The following STRN variants were observed in gnomAD, a reference collection of about 807,000 sequenced individuals.
The protein encoded by STRN is striatin, also known as protein phosphatase 2 regulatory subunit B'''alpha.
A neutral mutation model predicts 96.3 loss-of-function variants in STRN; 53 were observed. The observed-to-expected ratio is 0.55, with a 90% CI of 0.44 to 0.69. STRN has a LOEUF of 0.69. Ranked by LOEUF, STRN falls within the 30% of genes least tolerant of loss-of-function variation. STRN has a pLI of 0.00. For missense variants in STRN, 987 were observed against 963.9 expected, an observed-to-expected ratio of 1.02 and a Z score of -0.32; for synonymous variants, 428 against 355.9, an observed-to-expected ratio of 1.20 and a Z score of -2.28.
At chr2:36,864,079 G>A (rs1668562060) in intron 12 of STRN, among the ~76,000 whole-genome samples, 1 of 152,092 alleles carries the variant, frequency 6.6e-6, no homozygotes, top group Non-Finnish European at 1.5e-5. Flanking sequence ...CATTTTTTAG[G>A]TATAAAATTA....
intron 1 of STRN, among the ~76,000 whole-genome samples, chr2:36,946,901 T>C (rs1670999344): frequency 6.6e-6 from 1 of 152,066 alleles, no homozygotes; most frequent in Non-Finnish European, 1.5e-5. Flanking sequence ...TACAAAAATT[T>C]CTTTTTTTTT....
chr2:36,896,375 C>G (rs1285488830), intron 6 of STRN, among the ~76,000 whole-genome samples: 1 of 152,146 alleles, frequency 6.6e-6, no homozygotes, highest in African/African-American at 2.4e-5. Context: ...AACCAAAAGT[C>G]CTCTGCTTTT....
intron 15 of STRN, among the ~76,000 whole-genome samples, chr2:36,851,423 C>T (rs1430196949): frequency 6.6e-6 from 1 of 152,010 alleles, no homozygotes; most frequent in Non-Finnish European, 1.5e-5. Context: ...ATGGAAGTTG[C>T]AGTGAGCCGA....
chr2:36,862,349 T>C (rs934327102), intron 12 of STRN, among the ~76,000 whole-genome samples: 1 of 152,248 alleles, frequency 6.6e-6, no homozygotes, highest in Non-Finnish European at 1.5e-5. Flanking sequence ...GTGGCTGAAC[T>C]AATTTACACT....
At chr2:36,950,468 G>C (rs931203281) in intron 1 of STRN, among the ~76,000 whole-genome samples, 2 of 152,094 alleles carry the variant, frequency 1.3e-5, no homozygotes, top group Non-Finnish European at 2.9e-5. Context: ...CACCCGCCTT[G>C]GCCTCCCAAA....
chr2:36,852,407 T>C (rs1324533590), intron 15 of STRN, among the ~76,000 whole-genome samples: 1 of 152,182 alleles, frequency 6.6e-6, no homozygotes, highest in South Asian at 2.1e-4. Context: ...GATAATAGTA[T>C]TGTGTCAATG....
At chr2:36,877,305 A>C (rs1233716151) in intron 10 of STRN, among the ~76,000 whole-genome samples, 3 of 152,226 alleles carry the variant, frequency 2.0e-5, no homozygotes, top group African/African-American at 7.2e-5. Context: ...AAAGAAAACA[A>C]AATCCAAATT....
At chr2:36,879,297 T>C (rs1337841574) in intron 9 of STRN, among the ~76,000 whole-genome samples, 2 of 152,192 alleles carry the variant, frequency 1.3e-5, no homozygotes, top group African/African-American at 4.8e-5. Flanking sequence ...TCTCAAATTC[T>C]GATCTCAGGT....
intron 14 of STRN, among the ~76,000 whole-genome samples, chr2:36,855,589 T>G (rs896732538): frequency 6.6e-6 from 1 of 152,202 alleles, no homozygotes; most frequent in African/African-American, 2.4e-5. Flanking sequence ...TCAACTGATA[T>G]ATTCATGGAA....
At chr2:36,865,917 T>C (rs1668610545) in intron 12 of STRN, among the ~76,000 whole-genome samples, 1 of 152,176 alleles carries the variant, frequency 6.6e-6, no homozygotes, top group Non-Finnish European at 1.5e-5. Context: ...CAACACAGAA[T>C]TTCCCAGAGA....
Position 36,966,471 on chromosome 2 carries a change from G to GC in STRN, c.-9dup, listed in dbSNP as rs1382987967. On this transcript the variant is annotated 5_prime_UTR_variant, in exon 1 of 18. Coordinates refer to ENST00000263918, the MANE Select transcript of STRN (RefSeq NM_003162.4). ...ACCCGCCTGCTCGTCCATGGCGGCC[G>GC]CAGATACCCGGGGAGCTGCCCCGGC... 2 of 1,443,160 alleles carry GC rather than the reference G, an allele frequency of 1.4e-6. No individual in the cohort carries two copies. Among genetic ancestry groups the GC allele is most frequent in the East Asian group, 6.1e-5 (2 of 32,606 alleles). 89.4% of individuals were successfully genotyped at this position (1,443,160 alleles called of 1,614,324 possible).
At position 36,846,429 on chromosome 2, in the gene STRN, A is replaced by ATATATG. The variant is rs1553390296; in HGVS notation, c.*3026_*3027insCATATA. 5.9e-5 allele frequency: 6 copies of ATATATG among 102,332 alleles called. No homozygotes were observed. The highest frequency in any genetic ancestry group is 9.8e-5 in the Non-Finnish European group (5 of 51,142). The allele number at this position is 102,332 out of a possible 1,614,324, so 6.3% of individuals were successfully genotyped here. A position where few individuals can be genotyped will look rare whatever the true frequency, so the allele number is the denominator to read the frequency against. On this transcript the variant is annotated 3_prime_UTR_variant, in exon 18 of 18. Coordinates refer to ENST00000263918, the MANE Select transcript of STRN (RefSeq NM_003162.4). Reference sequence around the variant, plus strand: ...TATATATATATATATATATATATATAGTTTATATATTATATATATTCTTAC... The same window carrying ATATATG: ...TATATATATATATATATATATATATATATATGGTTTATATATTATATATATTCTTAC...
intron 12 of STRN, among the ~76,000 whole-genome samples, chr2:36,862,766 G>A (rs1483183146): frequency 3.3e-5 from 5 of 149,906 alleles, no homozygotes; most frequent in South Asian, 4.2e-4. Flanking sequence ...ATGGAGTCTC[G>A]CTCTGTCACC....
rs371956797 is a variant in STRN, at chr2:36,852,512, A to C, written c.1979-1405T>G. On this transcript the variant is annotated intron_variant, in intron 15 of 17. Transcript: ENST00000263918. Reference sequence around the variant, plus strand: ...CTAAAGGATCTAGGGGAATAGGAGCATGACGTCTCTCATATGGTTCAGAAT... The same window carrying C: ...CTAAAGGATCTAGGGGAATAGGAGCCTGACGTCTCTCATATGGTTCAGAAT... Among the ~76,000 whole-genome samples the C allele has an allele frequency of 1.9e-4, 29 of 152,214 alleles. 1 individual carries two copies. The highest frequency in any genetic ancestry group is 1.3e-3 in the East Asian group (7 of 5,200).
chr2:36,912,855 T>C (rs1669998333), intron 3 of STRN, among the ~76,000 whole-genome samples: 1 of 152,210 alleles, frequency 6.6e-6, no homozygotes, highest in Admixed American at 6.5e-5. Flanking sequence ...GGTCTAGTTG[T>C]TTAAATTACA....
At chr2:36,864,683 A>G (rs1295210906) in intron 12 of STRN, among the ~76,000 whole-genome samples, 1 of 152,076 alleles carries the variant, frequency 6.6e-6, no homozygotes, top group African/African-American at 2.4e-5. Context: ...TGAGTTAGGG[A>G]AAAGTCCCTC....
rs548341778 is a variant in STRN, at chr2:36,897,264, G to GTT, written c.795+2258_795+2259insAA. Reference sequence around the variant, plus strand: ...CTTTCAGCTTTTCCTATAGAATGCAGTAAGTTATGCTTATTCACTGCTACA... The same window carrying GTT: ...CTTTCAGCTTTTCCTATAGAATGCAGTTTAAGTTATGCTTATTCACTGCTACA... On this transcript the variant is annotated intron_variant, in intron 6 of 17. Transcript: ENST00000263918. Among the ~76,000 whole-genome samples, 327 of 152,156 alleles carry GTT rather than the reference G, an allele frequency of 2.1e-3. 1 individual carries two copies. The highest frequency in any genetic ancestry group is 4.0e-3 in the Non-Finnish European group (271 of 67,998).
chr2:36,955,729 C>A (rs976931018), intron 1 of STRN, among the ~76,000 whole-genome samples: 2 of 152,192 alleles, frequency 1.3e-5, no homozygotes, highest in African/African-American at 4.8e-5. Flanking sequence ...CTACCTCCAA[C>A]ACACAACTCA....
At chr2:36,896,684 T>TA (rs1421127374) in intron 6 of STRN, among the ~76,000 whole-genome samples, 11 of 151,988 alleles carry the variant, frequency 7.2e-5, no homozygotes, top group Admixed American at 3.9e-4. Context: ...ATACTGTGGC[T>TA]AAAAAAAATA....
Sources: allele counts gnomAD v4.1 joint callset (sites outside exome capture counted in the v4.1 genomes callset), GRCh38; gene constraint gnomAD v4.1.1; transcripts MANE v1.5; gene names NCBI Gene and HGNC (gene_info 2026-07-23, HGNC 2026-07-21).